NRXN3: variants seen among roughly 807,000 people sequenced by gnomAD.
The protein encoded by NRXN3 is neurexin 3.
NRXN3 carries 32 observed loss-of-function variants against 137.6 expected under a neutral mutation model. That is an observed-to-expected ratio of 0.23 (90% CI 0.18 to 0.31). NRXN3 has a LOEUF of 0.31. Ranked by LOEUF, NRXN3 falls within the 10% of genes least tolerant of loss-of-function variation. The probability of loss-of-function intolerance (pLI) is 1.00; values close to 1 mark genes in which losing one functional copy is unlikely to be tolerated. For synonymous variants in NRXN3, 798 were observed against 784.5 expected (o/e 1.02, Z -0.29); for missense variants, 1,574 against 2,062.5 (o/e 0.76, Z 4.59).
chr14:79,003,356 T>G (rs1292343660), intron 15 of NRXN3, among the ~76,000 whole-genome samples: 1 of 152,204 alleles, frequency 6.6e-6, no homozygotes, highest in East Asian at 1.9e-4. Flanking sequence ...AATCTTAACT[T>G]TGTAGATATT....
chr14:78,868,148 G>C (rs1217250914), intron 10 of NRXN3, among the ~76,000 whole-genome samples: 1 of 151,242 alleles, frequency 6.6e-6, no homozygotes, highest in Admixed American at 6.6e-5. Flanking sequence ...CCTTATCCAG[G>C]AACCTTGTGA....
chr14:78,702,702 C>T (rs1029232626), intron 6 of NRXN3, among the ~76,000 whole-genome samples: 1 of 152,008 alleles, frequency 6.6e-6, no homozygotes, highest in Non-Finnish European at 1.5e-5. Context: ...ACTTGGCCTC[C>T]CAAAGTTCTG....
At chr14:79,633,405 C>T (rs995835164) in intron 16 of NRXN3, 3 of 151,734 alleles carry the variant, frequency 2.0e-5, no homozygotes, top group Non-Finnish European at 4.4e-5. Flanking sequence ...CTCACTCTGC[C>T]TTGGTTCCAG....
At chr14:78,774,560 G>A (rs758248547) in intron 8 of NRXN3, among the ~76,000 whole-genome samples, 26 of 152,258 alleles carry the variant, frequency 1.7e-4, no homozygotes, top group Admixed American at 2.6e-4. Context: ...GTCAATATTT[G>A]AAACCACTCA....
intron 10 of NRXN3, among the ~76,000 whole-genome samples, chr14:78,955,083 T>C (rs17757966): frequency 0.06 from 9,079 of 152,302 alleles, 408 homozygotes; most frequent in Admixed American, 0.083. Flanking sequence ...AAAGAACAGA[T>C]GCCACCTTAT....
intron 6 of NRXN3, among the ~76,000 whole-genome samples, chr14:78,669,840 A>C (rs1309442778): frequency 6.6e-6 from 1 of 151,774 alleles, no homozygotes; most frequent in Non-Finnish European, 1.5e-5. Context: ...GGCTGGCGGG[A>C]TTTTTTTAAA....
intron 15 of NRXN3, among the ~76,000 whole-genome samples, chr14:79,133,321 T>G (rs746359634): frequency 2.6e-5 from 4 of 152,178 alleles, no homozygotes; most frequent in African/African-American, 9.7e-5. Context: ...TTTCATTACC[T>G]TCATGGCCCC....
At chr14:79,464,388 G>A (rs1465844800) in intron 15 of NRXN3, among the ~76,000 whole-genome samples, 3 of 151,934 alleles carry the variant, frequency 2.0e-5, no homozygotes, top group Non-Finnish European at 4.4e-5. Flanking sequence ...ATCAAATATT[G>A]TCATAGTGAA....
At chr14:78,288,054 A>G (rs1567174087) in intron 3 of NRXN3, among the ~76,000 whole-genome samples, 1 of 151,500 alleles carries the variant, frequency 6.6e-6, no homozygotes, top group Non-Finnish European at 1.5e-5. Context: ...ATCTCAGCTC[A>G]CTGCAACCTC....
chr14:78,941,401 C>T (rs1410158174), intron 10 of NRXN3, among the ~76,000 whole-genome samples: 1 of 152,162 alleles, frequency 6.6e-6, no homozygotes, highest in Non-Finnish European at 1.5e-5. Flanking sequence ...ACCCGTGGTG[C>T]TTCTCAAAAT....
rs72347811 is a variant in NRXN3, at chr14:79,739,648, C to CAAAAAAAAAAA, written c.4014+41730_4014+41740dup. On this transcript the variant is annotated intron_variant, in intron 19 of 20. Coordinates refer to ENST00000335750, the MANE Select transcript of NRXN3 (RefSeq NM_001330195.2). ...TGGGTGACAGAACGAGACTCTGCCT[C>CAAAAAAAAAAA]AAAAAAAAAAAAAAAAAAAAAAAAA... is the stretch of plus-strand genomic sequence containing the variant. Among the ~76,000 whole-genome samples the CAAAAAAAAAAA allele has an allele frequency of 3.5e-3, 110 of 31,822 alleles. 11 individuals carry two copies. Among genetic ancestry groups the CAAAAAAAAAAA allele is most frequent in the East Asian group, 0.011 (9 of 828 alleles). 20.9% of individuals were successfully genotyped at this position (31,822 alleles called of 152,430 possible).
At chr14:78,863,845 A>C (rs910364157) in intron 10 of NRXN3, among the ~76,000 whole-genome samples, 8 of 152,094 alleles carry the variant, frequency 5.3e-5, no homozygotes, top group Non-Finnish European at 1.0e-4. Flanking sequence ...CTTCCTCCTC[A>C]TCATCATTAT....
intron 3 of NRXN3, chr14:78,283,471 A>C (rs376399945): frequency 6.6e-6 from 1 of 151,636 alleles, no homozygotes; most frequent in African/African-American, 2.4e-5. Flanking sequence ...ACATAGCCAC[A>C]CCTATTCCTT....
intron 20 of NRXN3, among the ~76,000 whole-genome samples, chr14:79,821,440 A>G (rs2099272172): frequency 1.3e-5 from 2 of 152,230 alleles, no homozygotes; most frequent in Non-Finnish European, 2.9e-5. Context: ...AAAGGCATCC[A>G]AATGAAACAT....
At chr14:79,066,973 G>A (rs905180192) in intron 15 of NRXN3, among the ~76,000 whole-genome samples, 2 of 151,986 alleles carry the variant, frequency 1.3e-5, no homozygotes, top group African/African-American at 4.8e-5. Context: ...CCTCTTGCCT[G>A]GTTGCCCTGA....
Position 78,649,166 on chromosome 14 carries a change from T to G in NRXN3, c.1060-1999T>G, listed in dbSNP as rs2097714869. On this transcript the variant is annotated intron_variant, in intron 5 of 20. Coordinates refer to ENST00000335750, the MANE Select transcript of NRXN3 (RefSeq NM_001330195.2). ...ATGTGTCATTTTACTAACCGACTAATGTACTAACACCCTAACGACTCATCT... is the reference window on the plus strand; with the variant it reads ...ATGTGTCATTTTACTAACCGACTAAGGTACTAACACCCTAACGACTCATCT... 17 of 715,462 alleles carry G rather than the reference T, an allele frequency of 2.4e-5. No homozygotes were observed. The South Asian group carries it at 2.4e-4, about 10-fold the overall frequency. The allele number at this position is 715,462 out of a possible 1,614,324, so 44.3% of individuals were successfully genotyped here.
At chr14:78,498,398 T>G (rs2095824109) in intron 4 of NRXN3, among the ~76,000 whole-genome samples, 2 of 152,200 alleles carry the variant, frequency 1.3e-5, no homozygotes, top group African/African-American at 4.8e-5. Context: ...TGTCTGACAT[T>G]TCTGGGACTC....
At chr14:79,254,948 A>C (rs527605422) in intron 15 of NRXN3, among the ~76,000 whole-genome samples, 1 of 148,372 alleles carries the variant, frequency 6.7e-6, no homozygotes, top group East Asian at 2.0e-4. Context: ...TCTTTTTTCA[A>C]TTGATTTATG....
At chr14:79,532,231 G>A (rs1271475939) in intron 16 of NRXN3, among the ~76,000 whole-genome samples, 1 of 152,154 alleles carries the variant, frequency 6.6e-6, no homozygotes, top group Non-Finnish European at 1.5e-5. Flanking sequence ...ATGTCTTTAT[G>A]TAAGTTACAG....
Sources: allele counts gnomAD v4.1 joint callset (sites outside exome capture counted in the v4.1 genomes callset), GRCh38; gene constraint gnomAD v4.1.1; transcripts MANE v1.5; gene names NCBI Gene and HGNC (gene_info 2026-07-23, HGNC 2026-07-21).